Variants in CFAP47 observed in about 807,000 individuals in gnomAD.
The protein encoded by CFAP47 is cilia- and flagella-associated protein 47.
CFAP47 carries 29 observed loss-of-function variants against 148.1 expected under a neutral mutation model. That is an observed-to-expected ratio of 0.20 (90% confidence interval 0.15 to 0.27). The LOEUF (loss-of-function observed/expected upper bound fraction) is 0.27, where lower values mean the gene tolerates loss of function less well. CFAP47 is among the 10% of genes least tolerant of loss of function. CFAP47 has a pLI of 1.00. For synonymous variants in CFAP47, 664 were observed against 577.3 expected (o/e 1.15, Z -2.15); for missense variants, 1,872 against 1,697.5 (o/e 1.10, Z -1.81).
chrX:36,060,821 A>T (rs1257672169), intron 26 of CFAP47, among the ~76,000 whole-genome samples: 2 of 111,849 alleles, frequency 1.8e-5, no homozygotes, highest in Non-Finnish European at 3.8e-5. Flanking sequence ...ATTATGGGTT[A>T]TTGCAATGCC....
chrX:36,356,619 A>C (rs1556018492), intron 60 of CFAP47, among the ~76,000 whole-genome samples: 1 of 110,776 alleles, frequency 9.0e-6, no homozygotes, highest in African/African-American at 3.3e-5. Flanking sequence ...GAAAGTCTGA[A>C]TACTACTTTA....
chrX:36,079,940 A>G (rs1223595507), intron 29 of CFAP47, among the ~76,000 whole-genome samples: 1 of 111,954 alleles, frequency 8.9e-6, no homozygotes, highest in Non-Finnish European at 1.9e-5. Context: ...GGATCTAATT[A>G]TACTAAAGAG....
Position 35,951,159 on chromosome X carries a change from C to G in CFAP47, c.685C>G (p.Leu229Val). Residue 229 changes from leucine to valine, a missense_variant, in exon 5 of 64, where the codon CTC (leucine) becomes GTC (valine). By Grantham distance (32) the Leu-to-Val change is conservative. Coordinates refer to ENST00000378653, the MANE Select transcript of CFAP47 (RefSeq NM_001304548.2). ...GATTTTGCAAGGTCAACCTGAGATG[C>G]TCTTGAGTATCAAAGCTCATGTGGT... is the stretch of plus-strand genomic sequence containing the variant. The part of the protein sequence containing the change: ...IVILQGQPEM[L>V]LSIKAHVVEQ... 1.7e-6 allele frequency: 2 copies of G among 1,210,336 alleles called. No homozygotes were observed. The highest frequency in any genetic ancestry group is 3.0e-5 in the East Asian group (1 of 33,813).
intron 33 of CFAP47, among the ~76,000 whole-genome samples, chrX:36,124,390 A>G (rs1938800337): frequency 1.8e-5 from 2 of 111,329 alleles, no homozygotes; most frequent in African/African-American, 6.5e-5. Context: ...AAGTTCACCT[A>G]GGGTCCAAGA....
At chrX:35,923,819 A>G (rs1248649373) in intron 1 of CFAP47, among the ~76,000 whole-genome samples, 1 of 92,008 alleles carries the variant, frequency 1.1e-5, no homozygotes, top group African/African-American at 4.7e-5. Flanking sequence ...AATCCGTCTG[A>G]AAAAAAAAAG....
chrX:36,151,581 G>T (rs138596701), intron 37 of CFAP47, among the ~76,000 whole-genome samples: 1 of 111,146 alleles, frequency 9.0e-6, no homozygotes, highest in Non-Finnish European at 1.9e-5. Context: ...GCTATTAAAT[G>T]CCAAAGTAGA....
intron 33 of CFAP47, among the ~76,000 whole-genome samples, chrX:36,135,132 G>A (rs1013375919): frequency 9.1e-6 from 1 of 110,057 alleles, no homozygotes; most frequent in South Asian, 3.9e-4. Context: ...TTGGGGACTC[G>A]CGGGGAAAGG....
intron 49 of CFAP47, among the ~76,000 whole-genome samples, chrX:36,267,477 C>CT (rs1206035626): frequency 0.028 from 2,324 of 82,057 alleles, 42 homozygotes; most frequent in Admixed American, 0.059. Context: ...GGTTCATGTT[C>CT]TTTTTTTTTT....
At chrX:36,290,558 C>T (rs1275478768) in intron 51 of CFAP47, among the ~76,000 whole-genome samples, 2 of 112,085 alleles carry the variant, frequency 1.8e-5, no homozygotes, top group Non-Finnish European at 1.9e-5. Flanking sequence ...GCTCCGTTCT[C>T]CTGGGTGTTA....
In CFAP47 at chrX:36,104,531, C is replaced by T. The variant is rs1344260302; in HGVS notation, c.5160C>T (p.Cys1720=). Reference sequence around the variant, plus strand: ...TTCTATCCCGTGTAGTGCCATACTGCAGCAATAATATGCCCCCCATATGTG... The same window carrying T: ...TTCTATCCCGTGTAGTGCCATACTGTAGCAATAATATGCCCCCCATATGTG... ...VLVLSRVVPY[C]SNNMPPICVQ... Residue 1720 remains cysteine, a synonymous_variant, in exon 33 of 64, where the codon TGC becomes TGT. Transcript: ENST00000378653. The T allele has an allele frequency of 4.0e-6, 4 of 988,831 alleles. No homozygotes were observed. Among genetic ancestry groups the T allele is most frequent in the Non-Finnish European group, 5.5e-6 (4 of 726,790 alleles). The allele number at this position is 988,831 out of a possible 1,213,427, so 81.5% of individuals were successfully genotyped here.
At chrX:36,115,903 A>G (rs1938632043) in intron 33 of CFAP47, among the ~76,000 whole-genome samples, 1 of 111,890 alleles carries the variant, frequency 8.9e-6, no homozygotes, top group Non-Finnish European at 1.9e-5. Flanking sequence ...ATCTGGAGAT[A>G]AAGAGTAAAT....
intron 15 of CFAP47, among the ~76,000 whole-genome samples, chrX:35,981,845 G>C (rs1396843101): frequency 8.9e-6 from 1 of 111,923 alleles, no homozygotes; most frequent in Non-Finnish European, 1.9e-5. Context: ...TTGCCGCAAA[G>C]GCCATGATCA....
intron 26 of CFAP47, among the ~76,000 whole-genome samples, chrX:36,052,862 T>C (rs1937526998): frequency 8.9e-6 from 1 of 112,296 alleles, no homozygotes; most frequent in Non-Finnish European, 1.9e-5. Flanking sequence ...AGAGTGTGCT[T>C]GGCACCATTG....
intron 2 of CFAP47, 146 bp downstream of exon 2, chrX:35,926,314 A>G (rs1935740772): frequency 2.6e-6 from 1 of 381,442 alleles, no homozygotes; most frequent in Non-Finnish European, 4.4e-6. Flanking sequence ...TAGTGTTTGT[A>G]AGAAATGAAA....
At chrX:36,057,846 T>C (rs1937566616) in intron 26 of CFAP47, among the ~76,000 whole-genome samples, 1 of 111,378 alleles carries the variant, frequency 9.0e-6, no homozygotes, top group Admixed American at 9.6e-5. Context: ...TGAGAATCAG[T>C]CTCCAACAGC....
rs181695827 is a variant in CFAP47 at position 35,963,375 on chromosome X, A to C, written c.1411-3190A>C. Among the ~76,000 whole-genome samples, 278 of 111,239 alleles carry C rather than the reference A, an allele frequency of 2.5e-3. 1 individual carries two copies. The highest frequency in any genetic ancestry group is 8.5e-3 in the African/African-American group (262 of 30,787). ...CAAAATTACATATTAAATACTATAT[A>C]TTTACTATATATTTGTATACAAACA... On this transcript the variant is annotated intron_variant, in intron 8 of 63. Coordinates refer to ENST00000378653, the MANE Select transcript of CFAP47 (RefSeq NM_001304548.2).
chrX:36,305,928 A>C (rs1468296224), intron 54 of CFAP47, among the ~76,000 whole-genome samples: 1 of 111,808 alleles, frequency 8.9e-6, no homozygotes, highest in African/African-American at 3.2e-5. Context: ...TGTGTTCTAA[A>C]TATAAAATTT....
intron 22 of CFAP47, among the ~76,000 whole-genome samples, chrX:36,018,870 A>G (rs1448837096): frequency 7.3e-5 from 8 of 110,271 alleles, no homozygotes; most frequent in Non-Finnish European, 1.5e-4. Flanking sequence ...TCATAGAATG[A>G]ATTTGGAAGT....
At chrX:36,189,798 C>A (rs1555986222) in intron 41 of CFAP47, among the ~76,000 whole-genome samples, 1 of 112,230 alleles carries the variant, frequency 8.9e-6, no homozygotes, top group Non-Finnish European at 1.9e-5. Context: ...CATATCCTGG[C>A]TAATTTTACA....
Sources: allele counts gnomAD v4.1 joint callset (sites outside exome capture counted in the v4.1 genomes callset), GRCh38; gene constraint gnomAD v4.1.1; transcripts MANE v1.5; gene names NCBI Gene and HGNC (gene_info 2026-07-23, HGNC 2026-07-21).